Variants in IGF2R observed in about 807,000 individuals in gnomAD.
IGF2R encodes the protein cation-independent mannose-6-phosphate receptor.
Under a neutral mutation model 270.6 loss-of-function variants are expected in IGF2R, and 91 were observed. The observed-to-expected ratio is 0.34, with a 90% CI of 0.28 to 0.40. The LOEUF is 0.40. Ranked by LOEUF, IGF2R falls within the 10% of genes least tolerant of loss-of-function variation. The probability of loss-of-function intolerance (pLI) is 1.00; values close to 1 mark genes in which losing one functional copy is unlikely to be tolerated. For synonymous variants in IGF2R, 1,316 were observed against 1,258.9 expected (o/e 1.05, Z -0.96); for missense variants, 2,805 against 3,188.3 (o/e 0.88, Z 2.90).
chr6:160,036,606 G>C (rs569799000), intron 10 of IGF2R, among the ~76,000 whole-genome samples: 2 of 152,232 alleles, frequency 1.3e-5, no homozygotes, highest in Non-Finnish European at 2.9e-5. Flanking sequence ...GGGGATGCTG[G>C]GAAGACAGAA....
intron 4 of IGF2R, among the ~76,000 whole-genome samples, chr6:160,013,146 G>A (rs767063847): frequency 1.5e-4 from 23 of 151,884 alleles, no homozygotes; most frequent in African/African-American, 4.6e-4. Flanking sequence ...CTTATGTCAC[G>A]TTGCTGAATT....
rs967284025 is a variant in IGF2R, at chr6:160,047,445, C to G, written c.2229+109C>G. On this transcript the variant is annotated intron_variant, in intron 16 of 47. Transcript: ENST00000356956. ...TCTGGGTTTCCAGCCAAATCATCAC[C>G]GTCATTAGATTTGCCAGGGTGCCTG... The G allele has an allele frequency of 9.4e-6, 9 of 960,416 alleles. No homozygotes were observed. The African/African-American group carries it at 1.5e-4, about 16-fold the overall frequency. 59.5% of individuals were successfully genotyped at this position (960,416 alleles called of 1,614,324 possible).
rs1777653528 is a variant in IGF2R, at chr6:160,029,745, C to T, written c.882+90C>T. The T allele has an allele frequency of 3.5e-6, 3 of 847,472 alleles. No individual in the cohort carries two copies. The South Asian group carries it at 4.4e-5, about 12-fold the overall frequency. The allele number at this position is 847,472 out of a possible 1,614,324, so 52.5% of individuals were successfully genotyped here. On this transcript the variant is annotated intron_variant, in intron 7 of 47. Coordinates refer to ENST00000356956, the MANE Select transcript of IGF2R (RefSeq NM_000876.4). ...GTTTCTGGGCTTGGGGCAGGGTGGG[C>T]CTGGATGCAGGAAGCTGGGAGCCAT...
intron 30 of IGF2R, among the ~76,000 whole-genome samples, chr6:160,068,975 TGAG>T (rs1417387745): frequency 2.6e-5 from 4 of 152,030 alleles, no homozygotes; most frequent in African/African-American, 7.2e-5. Context: ...TTTCTGAACA[TGAG>T]GAGATGAAGA....
chr6:160,049,267 A>G (rs929529388), intron 18 of IGF2R, among the ~76,000 whole-genome samples: 14 of 152,074 alleles, frequency 9.2e-5, no homozygotes, highest in Admixed American at 5.9e-4. Context: ...AGTCCTCTTT[A>G]TTCACAGATT....
intron 22 of IGF2R, among the ~76,000 whole-genome samples, chr6:160,059,912 T>G (rs1011269810): frequency 6.6e-6 from 1 of 152,388 alleles, no homozygotes; most frequent in East Asian, 1.9e-4. Flanking sequence ...ATTTGTTCAA[T>G]AAGCCAACGA....
In IGF2R at chr6:160,004,354, T is replaced by G. The variant is rs1784179092; in HGVS notation, c.290-4656T>G. 1 of 152,446 alleles carries G rather than the reference T, an allele frequency of 6.6e-6. No individual in the cohort carries two copies. Among genetic ancestry groups the G allele is most frequent in the Non-Finnish European group, 1.5e-5 (1 of 68,244 alleles). 9.4% of individuals were successfully genotyped at this position (152,446 alleles called of 1,614,324 possible). On this transcript the variant is annotated intron_variant, in intron 2 of 47. Transcript: ENST00000356956. The surrounding 1 kb of genome is among the most constrained non-coding windows in gnomAD (Gnocchi z 5.2). ...CAAATCACCATGGGCTTGCTTGGGC[T>G]TGGAGGTGCGACCTGGTGGGCCTGC...
Position 160,102,684 on chromosome 6 carries a change from C to T in IGF2R, c.6995+13C>T. 1 of 1,584,078 alleles carries T rather than the reference C, an allele frequency of 6.3e-7. No individual in the cohort carries two copies. Among genetic ancestry groups the T allele is most frequent in the Non-Finnish European group, 8.6e-7 (1 of 1,162,106 alleles). On this transcript the variant is annotated intron_variant, in intron 46 of 47. Transcript: ENST00000356956. This position sits in a 1 kb window ranked among gnomAD's most constrained non-coding sequence, Gnocchi z 4.5. ...AGAAGGAGAGGAGGTAAGCGGGTGG[C>T]AGGGCGAGGTGGGGCGGGTGGATGC...
chr6:160,059,124 T>C (rs1168008718), intron 22 of IGF2R, 26 bp downstream of exon 22: 1 of 1,603,272 alleles, frequency 6.2e-7, no homozygotes. Flanking sequence ...TGTTGTTTTG[T>C]AGCTAAAAAG....
intron 2 of IGF2R, among the ~76,000 whole-genome samples, chr6:159,999,673 A>T (rs3798195): frequency 6.6e-6 from 1 of 152,134 alleles, no homozygotes; most frequent in Non-Finnish European, 1.5e-5. Flanking sequence ...AAGAGCTAGC[A>T]TAGAAATAGA....
chr6:160,027,253 G>A lies in IGF2R; in HGVS notation c.715G>A (p.Gly239Arg), dbSNP rs997220455. 5.6e-6 allele frequency: 9 copies of A among 1,614,048 alleles called. No homozygotes were observed. The highest frequency in any genetic ancestry group is 7.6e-6 in the Non-Finnish European group (9 of 1,179,998). ...PPGTAACLVR[G>R]HQAFDVGQPR... Reference sequence around the variant, plus strand: ...CGGCACTGCCGCCTGCCTGGTAAGAGGACACCAGGCGTTTGATGTTGGCCA... The same window carrying A: ...CGGCACTGCCGCCTGCCTGGTAAGAAGACACCAGGCGTTTGATGTTGGCCA... The change falls in exon 6 of 48, where the codon GGA (glycine) becomes AGA (arginine). Residue 239 changes from glycine (G) to arginine (R), a missense_variant. This residue lies in a region of IGF2R where 954 missense variants were observed against 981.1 expected (regional missense o/e 0.97). Coordinates refer to ENST00000356956, the MANE Select transcript of IGF2R (RefSeq NM_000876.4).
At chr6:159,999,471 G>A (rs1358825208) in intron 2 of IGF2R, among the ~76,000 whole-genome samples, 1 of 152,202 alleles carries the variant, frequency 6.6e-6, no homozygotes, top group Non-Finnish European at 1.5e-5. Context: ...ACTCAGGGCT[G>A]TGCTTTTGTG....
chr6:160,044,584 C>T lies in IGF2R; in HGVS notation c.1692C>T (p.Leu564=), dbSNP rs773927225. 1.2e-6 allele frequency: 2 copies of T among 1,609,308 alleles called. No homozygotes were observed. Among genetic ancestry groups the T allele is most frequent in the South Asian group, 1.1e-5 (1 of 90,518 alleles). Residue 564 remains leucine, a synonymous_variant, in exon 13 of 48, where the codon CTC becomes CTT. Transcript: ENST00000356956. Reference sequence around the variant, plus strand: ...TGAAAGAGAAAGGAAACATTCAACTCTCTTATTCAGATGGTGATGATTGTG... The same window carrying T: ...TGAAAGAGAAAGGAAACATTCAACTTTCTTATTCAGATGGTGATGATTGTG... ...SPMKEKGNIQ[L]SYSDGDDCGH...
chr6:160,043,886 C>T (rs1002303213), intron 12 of IGF2R, among the ~76,000 whole-genome samples: 18 of 152,066 alleles, frequency 1.2e-4, no homozygotes, highest in South Asian at 2.1e-4. Context: ...TTGTGAGCCT[C>T]GTTGGATTTT....
chr6:160,069,295 T>C (rs1778662936), intron 30 of IGF2R, among the ~76,000 whole-genome samples: 1 of 152,136 alleles, frequency 6.6e-6, no homozygotes, highest in Admixed American at 6.5e-5. Context: ...CTTGGGTGGC[T>C]CACCTCAAAG....
Position 159,969,201 on chromosome 6 carries a change from G to C in IGF2R, c.-46G>C. The C allele has an allele frequency of 1.0e-6, 1 of 978,832 alleles. No individual in the cohort carries two copies. The highest frequency in any genetic ancestry group is 1.2e-6 in the Non-Finnish European group (1 of 825,206). 60.6% of individuals were successfully genotyped at this position (978,832 alleles called of 1,614,324 possible). A position where few individuals can be genotyped will look rare whatever the true frequency, so the allele number is the denominator to read the frequency against. On this transcript the variant is annotated 5_prime_UTR_variant, in exon 1 of 48. Coordinates refer to ENST00000356956, the MANE Select transcript of IGF2R (RefSeq NM_000876.4). ...GTCCCGGGCGCGGCCCCCAGCAGTC[G>C]CGCGCCGTTAGCCTCGCGCCCGCCG...
intron 14 of IGF2R, among the ~76,000 whole-genome samples, chr6:160,046,114 G>A (rs1472917350): frequency 6.6e-6 from 1 of 152,194 alleles, no homozygotes; most frequent in Non-Finnish European, 1.5e-5. Context: ...GAACACAAGG[G>A]AATAAATTAT....
At position 160,053,272 on chromosome 6, in the gene IGF2R, G is replaced by A. The variant is rs953600983; in HGVS notation, c.2694+2620G>A. 4.6e-5 allele frequency among the ~76,000 whole-genome samples: 7 copies of A among 152,154 alleles called. No homozygotes were observed. The East Asian group carries it at 1.2e-3, about 25-fold the overall frequency. Reference sequence around the variant, plus strand: ...ACATCACACACCAGGGCCTGTTGGGGGCTGGGGGGGAGGGATAGCATTAGG... The same window carrying A: ...ACATCACACACCAGGGCCTGTTGGGAGCTGGGGGGGAGGGATAGCATTAGG... On this transcript the variant is annotated intron_variant, in intron 19 of 47. Transcript: ENST00000356956.
At chr6:160,078,114 G>A in intron 36 of IGF2R, 87 bp from the exon 37 acceptor site, 1 of 1,347,778 alleles carries the variant, frequency 7.4e-7, no homozygotes, top group Non-Finnish European at 1.0e-6. Context: ...TGTGGGTTAT[G>A]CACAGCCCCT....
Sources: gnomAD v4.1 joint callset for allele counts (sites outside exome capture counted in the v4.1 genomes callset) on GRCh38, gnomAD v4.1.1 for gene constraint, gnomAD v4.1.1 regional missense constraint, Gnocchi (gnomAD v3.1) non-coding constraint, MANE v1.5 for transcripts, NCBI Gene and HGNC (gene_info 2026-07-23, HGNC 2026-07-21) for gene names.